Variants in PREX1 observed in about 807,000 individuals in gnomAD.
The protein encoded by PREX1 is phosphatidylinositol 3,4,5-trisphosphate-dependent Rac exchanger 1 protein.
Under a neutral mutation model 198.3 loss-of-function variants are expected in PREX1, and 41 were observed. The observed-to-expected ratio is 0.21, with a 90% CI of 0.16 to 0.27. PREX1 has a LOEUF of 0.27. Ranked by LOEUF, PREX1 falls within the 10% of genes least tolerant of loss-of-function variation. PREX1 has a pLI of 1.00. For synonymous variants in PREX1, 843 were observed against 887.2 expected (o/e 0.95, Z 0.89); for missense variants, 1,620 against 2,200.7 (o/e 0.74, Z 5.28).
intron 7 of PREX1, among the ~76,000 whole-genome samples, chr20:48,693,781 T>C (rs1011635821): frequency 6.6e-6 from 1 of 151,784 alleles, no homozygotes; most frequent in Non-Finnish European, 1.5e-5. Flanking sequence ...CTAATTTTTT[T>C]ATATTTTTAG....
chr20:48,784,582 G>A (rs773976751), intron 1 of PREX1, among the ~76,000 whole-genome samples: 3 of 152,158 alleles, frequency 2.0e-5, no homozygotes, highest in African/African-American at 7.2e-5. Context: ...CAGTGAGGCC[G>A]TCCTGATCTG....
intron 1 of PREX1, among the ~76,000 whole-genome samples, chr20:48,789,295 T>A (rs990312022): frequency 6.6e-6 from 1 of 152,180 alleles, no homozygotes; most frequent in African/African-American, 2.4e-5. Flanking sequence ...TCCACCTTCA[T>A]CACGGGACAA....
chr20:48,678,657 C>G (rs747015008), intron 13 of PREX1, among the ~76,000 whole-genome samples: 13 of 152,128 alleles, frequency 8.5e-5, no homozygotes, highest in Non-Finnish European at 1.5e-4. Context: ...GTGAATAAGT[C>G]TCACAAGATC....
intron 1 of PREX1, among the ~76,000 whole-genome samples, chr20:48,756,320 C>T (rs1303028467): frequency 6.6e-6 from 1 of 152,166 alleles, no homozygotes; most frequent in Admixed American, 6.5e-5. Context: ...ACGTCCATGC[C>T]AGGGGCCAGA....
chr20:48,666,174 C>G lies in PREX1; in HGVS notation c.1738+109G>C. Reference sequence around the variant, plus strand: ...GGATTCGTGAGCCTCCCCAAACCCCCGGGGGTCTAGAGAGCCACAGACCTG... The same window carrying G: ...GGATTCGTGAGCCTCCCCAAACCCCGGGGGGTCTAGAGAGCCACAGACCTG... On this transcript the variant is annotated intron_variant, in intron 15 of 39. Coordinates refer to ENST00000371941, the MANE Select transcript of PREX1 (RefSeq NM_020820.4). The surrounding 1 kb of genome is among the most constrained non-coding windows in gnomAD (Gnocchi z 4.3). 1 of 1,152,684 alleles carries G rather than the reference C, an allele frequency of 8.7e-7. No individual in the cohort carries two copies. The highest frequency in any genetic ancestry group is 1.2e-6 in the Non-Finnish European group (1 of 808,010). The allele number at this position is 1,152,684 out of a possible 1,614,324, so 71.4% of individuals were successfully genotyped here. A position where few individuals can be genotyped will look rare whatever the true frequency, so the allele number is the denominator to read the frequency against.
chr20:48,719,505 G>C (rs978660279), intron 5 of PREX1, among the ~76,000 whole-genome samples: 1 of 152,154 alleles, frequency 6.6e-6, no homozygotes, highest in Non-Finnish European at 1.5e-5. Flanking sequence ...CTGCAGTGAA[G>C]AGATCTCTGA....
chr20:48,666,761 G>A lies in PREX1; in HGVS notation c.1666-406C>T, dbSNP rs1393168398. ...AGGATGGTCTCAATCTCCTGACCTC[G>A]TGATCCGTCCGTCTTGGCCTCCCAA... On this transcript the variant is annotated intron_variant, in intron 14 of 39. Coordinates refer to ENST00000371941, the MANE Select transcript of PREX1 (RefSeq NM_020820.4). This position sits in a 1 kb window ranked among gnomAD's most constrained non-coding sequence, Gnocchi z 4.3. Among the ~76,000 whole-genome samples, 11 of 152,226 alleles carry A rather than the reference G, an allele frequency of 7.2e-5. No homozygotes were observed. Among genetic ancestry groups the A allele is most frequent in the African/African-American group, 2.2e-4 (9 of 41,530 alleles).
chr20:48,643,188 C>T (rs1223457471), intron 27 of PREX1, among the ~76,000 whole-genome samples: 3 of 152,184 alleles, frequency 2.0e-5, no homozygotes, highest in Non-Finnish European at 4.4e-5. Flanking sequence ...AAATAAAAAA[C>T]AATTTCAGGC....
At chr20:48,650,799 T>C in intron 23 of PREX1, 95 bp downstream of exon 23, 1 of 1,450,694 alleles carries the variant, frequency 6.9e-7, no homozygotes, top group Non-Finnish European at 9.4e-7. Context: ...TCAGCTGAGT[T>C]GGGTTGGGCT....
At chr20:48,664,659 T>G (rs1193738440) in intron 15 of PREX1, among the ~76,000 whole-genome samples, 1 of 152,244 alleles carries the variant, frequency 6.6e-6, no homozygotes, top group Non-Finnish European at 1.5e-5. Context: ...CCCAGGACCT[T>G]CAAGGGGAGA....
chr20:48,683,190 G>A (rs568940506), intron 10 of PREX1, among the ~76,000 whole-genome samples: 84 of 152,326 alleles, frequency 5.5e-4, no homozygotes, highest in Admixed American at 1.6e-3. Flanking sequence ...GCCCACTCTC[G>A]GAAGCCCACC....
the PREX1 span, among the ~76,000 whole-genome samples, chr20:48,839,124 C>A: frequency 4.7e-5 from 7 of 148,298 alleles, no homozygotes; most frequent in East Asian, 1.4e-3. Flanking sequence ...CCCCAATTTT[C>A]TGCCATGGAT....
At position 48,818,449 on chromosome 20, in the gene PREX1, T is replaced by C. The variant is rs559036298; in HGVS notation, c.219+9193A>G. Among the ~76,000 whole-genome samples the C allele has an allele frequency of 2.6e-4, 40 of 152,352 alleles. 1 individual carries two copies. Among genetic ancestry groups the C allele is most frequent in the African/African-American group, 9.4e-4 (39 of 41,586 alleles). On this transcript the variant is annotated intron_variant, in intron 1 of 39. Coordinates refer to ENST00000371941, the MANE Select transcript of PREX1 (RefSeq NM_020820.4). ...GCCAGACTAAGGACTGCTTTTATGC[T>C]AAGTGAGATGTAACTGTAACTGATT...
chr20:48,846,976 C>T, the PREX1 span, among the ~76,000 whole-genome samples: 39 of 152,262 alleles, frequency 2.6e-4, no homozygotes, highest in Admixed American at 2.3e-3. Flanking sequence ...CTGGGAGTCC[C>T]CTAAGTATGT....
rs775883850 is a variant in PREX1, at chr20:48,764,080, C to T, written c.220-16200G>A. On this transcript the variant is annotated intron_variant, in intron 1 of 39. Coordinates refer to ENST00000371941, the MANE Select transcript of PREX1 (RefSeq NM_020820.4). The stretch of plus-strand genomic sequence containing the variant: ...CCACATCCACTCTAACCCTCTCTTG[C>T]GATCTCAGCTTCCCTGACCAGCCAC... Among the ~76,000 whole-genome samples the T allele has an allele frequency of 5.3e-5, 8 of 152,292 alleles. No homozygotes were observed. The East Asian group carries it at 5.8e-4, about 11-fold the overall frequency.
the PREX1 span, among the ~76,000 whole-genome samples, chr20:48,874,148 G>T: frequency 1.3e-5 from 2 of 152,210 alleles, no homozygotes; most frequent in South Asian, 4.1e-4. Flanking sequence ...CTACAATTAG[G>T]CATTTGGGGT....
chr20:48,852,724 T>A, the PREX1 span, among the ~76,000 whole-genome samples: 1 of 152,338 alleles, frequency 6.6e-6, no homozygotes, highest in Middle Eastern at 3.4e-3. Flanking sequence ...TGATGCATTG[T>A]ATCATAGTAT....
the PREX1 span, among the ~76,000 whole-genome samples, chr20:48,867,610 G>A: frequency 6.6e-6 from 1 of 152,122 alleles, no homozygotes; most frequent in Non-Finnish European, 1.5e-5. Context: ...GGGTGTGGTG[G>A]CATGCACCTG....
chr20:48,796,499 C>T (rs1235474288), intron 1 of PREX1, among the ~76,000 whole-genome samples: 2 of 152,094 alleles, frequency 1.3e-5, no homozygotes, highest in Admixed American at 1.3e-4. Flanking sequence ...GCCTGTATGA[C>T]ACCGGGGCCA....
Sources: gnomAD v4.1 joint callset for allele counts (sites outside exome capture counted in the v4.1 genomes callset) on GRCh38, gnomAD v4.1.1 for gene constraint, Gnocchi (gnomAD v3.1) non-coding constraint, MANE v1.5 for transcripts, NCBI Gene and HGNC (gene_info 2026-07-23, HGNC 2026-07-21) for gene names.